The following ATP6AP2 variants were observed in gnomAD, a reference collection of about 807,000 sequenced individuals.
The protein encoded by ATP6AP2 is renin receptor.
Under a neutral mutation model 23.4 loss-of-function variants are expected in ATP6AP2, and 1 was observed. The ratio of observed to expected loss-of-function variants is 0.04; its 90% confidence interval spans 0.02 to 0.20. The LOEUF is 0.20. Among genes scored for constraint, ATP6AP2 ranks in the 10% least tolerant of loss-of-function variants. ATP6AP2 has a pLI of 1.00. For missense variants in ATP6AP2, 174 were observed against 271.3 expected (o/e 0.64, Z 2.52); for synonymous variants, 90 against 97.1 (o/e 0.93, Z 0.43).
chrX:40,598,774 G>T lies in ATP6AP2; in HGVS notation c.588+40G>T, dbSNP rs1926834592. On this transcript the variant is annotated intron_variant, in intron 6 of 8. Transcript: ENST00000636580. ...CTAATTTTTTAATTCCATTTATTTTGGTTTCTAGAGAATCCTTGAATAATA... is the reference window on the plus strand; with the variant it reads ...CTAATTTTTTAATTCCATTTATTTTTGTTTCTAGAGAATCCTTGAATAATA... 5 of 1,145,521 alleles carry T rather than the reference G, an allele frequency of 4.4e-6. No homozygotes were observed. The East Asian group carries it at 1.5e-4, about 34-fold the overall frequency. The allele number at this position is 1,145,521 out of a possible 1,213,427, so 94.4% of individuals were successfully genotyped here.
intron 1 of ATP6AP2, among the ~76,000 whole-genome samples, chrX:40,584,196 C>T (rs1377995967): frequency 9.1e-6 from 1 of 110,324 alleles, no homozygotes; most frequent in Non-Finnish European, 1.9e-5. Context: ...CCCACCTCAG[C>T]CTCCCTAGTA....
At chrX:40,599,784 C>G (rs1473712823) in intron 7 of ATP6AP2, 43 bp downstream of exon 7, 1 of 1,198,364 alleles carries the variant, frequency 8.3e-7, no homozygotes, top group Non-Finnish European at 1.1e-6. Flanking sequence ...ATGACCATTT[C>G]ACTTTTAGCC....
intron 5 of ATP6AP2, chrX:40,598,480 G>C: frequency 2.2e-6 from 1 of 453,155 alleles, no homozygotes; most frequent in East Asian, 3.8e-5. Context: ...CTGTGCTAGG[G>C]AATGGCCATC....
intron 1 of ATP6AP2, among the ~76,000 whole-genome samples, chrX:40,586,732 C>G (rs921269743): frequency 8.1e-5 from 9 of 111,696 alleles, no homozygotes; most frequent in African/African-American, 2.9e-4. Context: ...GCCAGGTATC[C>G]CTGAGACATG....
rs766788880 is a variant in ATP6AP2, at chrX:40,597,363, A to T, written c.396+19A>T. ...TGAGGAAGTAAGTGATAAGGGTTTTATTCAAGACATTTTAAAAAATAAGCT... is the reference window on the plus strand; with the variant it reads ...TGAGGAAGTAAGTGATAAGGGTTTTTTTCAAGACATTTTAAAAAATAAGCT... On this transcript the variant is annotated intron_variant, in intron 4 of 8. Transcript: ENST00000636580. 1 of 1,129,897 alleles carries T rather than the reference A, an allele frequency of 8.9e-7. No homozygotes were observed. Among genetic ancestry groups the T allele is most frequent in the Non-Finnish European group, 1.2e-6 (1 of 824,806 alleles). The allele number at this position is 1,129,897 out of a possible 1,213,427, so 93.1% of individuals were successfully genotyped here.
At chrX:40,601,337 G>A (rs1316372370) in intron 8 of ATP6AP2, among the ~76,000 whole-genome samples, 1 of 111,207 alleles carries the variant, frequency 9.0e-6, no homozygotes, top group Non-Finnish European at 1.9e-5. Context: ...CGGGAGTGGT[G>A]TGGTGCCCAC....
chrX:40,590,965 T>C, intron 2 of ATP6AP2: 1 of 310,223 alleles, frequency 3.2e-6, no homozygotes, highest in Non-Finnish European at 5.7e-6. Flanking sequence ...TTTGTTTACT[T>C]GCTTGCTTTT....
intron 7 of ATP6AP2, chrX:40,599,980 A>G: frequency 2.7e-6 from 1 of 375,770 alleles, no homozygotes; most frequent in Non-Finnish European, 4.7e-6. Flanking sequence ...TTACAAAATT[A>G]TTGTGGTAAA....
Position 40,606,663 on chromosome X carries a change from A to G in ATP6AP2, c.*908A>G, listed in dbSNP as rs1340609248. 2 of 111,993 alleles carry G rather than the reference A, an allele frequency of 1.8e-5. No individual in the cohort carries two copies. The highest frequency in any genetic ancestry group is 3.8e-5 in the Non-Finnish European group (2 of 53,129). 9.2% of individuals were successfully genotyped at this position (111,993 alleles called of 1,213,427 possible). On this transcript the variant is annotated 3_prime_UTR_variant, in exon 9 of 9. Transcript: ENST00000636580. Reference sequence around the variant, plus strand: ...TTTGTGTCATTGCAGTACTAAATCTATTTTATATTGTAAAAACCTAACAAA... The same window carrying G: ...TTTGTGTCATTGCAGTACTAAATCTGTTTTATATTGTAAAAACCTAACAAA...
In ATP6AP2 at chrX:40,588,303, G is replaced by A. The variant is rs149647616; in HGVS notation, c.38-683G>A. Among the ~76,000 whole-genome samples, 579 of 104,593 alleles carry A rather than the reference G, an allele frequency of 5.5e-3. 32 individuals carry two copies. The East Asian group carries it at 0.16, about 29-fold the overall frequency. The allele number at this position is 104,593 out of a possible 115,157, so 90.8% of individuals were successfully genotyped here. A position where few individuals can be genotyped will look rare whatever the true frequency, so the allele number is the denominator to read the frequency against. On this transcript the variant is annotated intron_variant, in intron 1 of 8. Coordinates refer to ENST00000636580, the MANE Select transcript of ATP6AP2 (RefSeq NM_005765.3). ...CTGGACTTTGTTTCTAAAGTCTGAA[G>A]TGTTTTTATGTTTCTACTTGTGACA...
chrX:40,586,943 A>G (rs1171542580), intron 1 of ATP6AP2, among the ~76,000 whole-genome samples: 2 of 112,282 alleles, frequency 1.8e-5, no homozygotes, highest in African/African-American at 6.5e-5. Flanking sequence ...AAACAAGGGT[A>G]TCTCCAAATC....
Position 40,605,812 on chromosome X carries a change from TA to T in ATP6AP2, c.*58del. ...TTGGAAATTGGCTGTTTTGTTAAAA[TA>T]TATCTTTTAGTGTGCTTTAAAGTAG... On this transcript the variant is annotated 3_prime_UTR_variant, in exon 9 of 9. Coordinates refer to ENST00000636580, the MANE Select transcript of ATP6AP2 (RefSeq NM_005765.3). 1 of 1,017,574 alleles carries T rather than the reference TA, an allele frequency of 9.8e-7. No individual in the cohort carries two copies. Among genetic ancestry groups the T allele is most frequent in the Non-Finnish European group, 1.4e-6 (1 of 722,861 alleles). 83.9% of individuals were successfully genotyped at this position (1,017,574 alleles called of 1,213,427 possible).
intron 8 of ATP6AP2, among the ~76,000 whole-genome samples, chrX:40,601,724 C>T (rs1475603248): frequency 1.8e-5 from 2 of 111,860 alleles, no homozygotes; most frequent in African/African-American, 6.5e-5. Flanking sequence ...CACTCAATTA[C>T]ATACACCTCC....
chrX:40,605,864 A>G lies in ATP6AP2; in HGVS notation c.*109A>G. On this transcript the variant is annotated 3_prime_UTR_variant, in exon 9 of 9. Transcript: ENST00000636580. ...ATAGTATACTTTACATTTATAAAAA[A>G]AAATCAAATTTTGTTCTTTATTTTG... 1 of 727,445 alleles carries G rather than the reference A, an allele frequency of 1.4e-6. No individual in the cohort carries two copies. The allele number at this position is 727,445 out of a possible 1,213,427, so 59.9% of individuals were successfully genotyped here.
chrX:40,594,653 C>T (rs1321549785), intron 3 of ATP6AP2, among the ~76,000 whole-genome samples: 1 of 111,166 alleles, frequency 9.0e-6, no homozygotes. Context: ...ATAGACAAGA[C>T]CTAAAATTGA....
At chrX:40,587,185 G>A (rs1273825058) in intron 1 of ATP6AP2, among the ~76,000 whole-genome samples, 1 of 111,488 alleles carries the variant, frequency 9.0e-6, no homozygotes, top group African/African-American at 3.3e-5. Flanking sequence ...CAGGAGAATT[G>A]CTTGAACCTG....
chrX:40,600,961 C>G (rs1926891155), intron 8 of ATP6AP2, 80 bp downstream of exon 8: 2 of 988,269 alleles, frequency 2.0e-6, no homozygotes, highest in Admixed American at 2.8e-5. Context: ...CCTATATCAC[C>G]TAAGGGTGAC....
At chrX:40,592,229 G>A (rs1462401234) in intron 3 of ATP6AP2, 2 of 112,749 alleles carry the variant, frequency 1.8e-5, no homozygotes, top group African/African-American at 6.4e-5. Context: ...TACGGAAGAT[G>A]AGTGGAATTT....
chrX:40,589,275 GTAAT>G, intron 2 of ATP6AP2, 159 bp downstream of exon 2: 1 of 623,382 alleles, frequency 1.6e-6, no homozygotes, highest in Non-Finnish European at 2.4e-6. Flanking sequence ...GCTCACGCCT[GTAAT>G]CCCGGCACTC....
Sources: allele counts gnomAD v4.1 joint callset (sites outside exome capture counted in the v4.1 genomes callset), GRCh38; gene constraint gnomAD v4.1.1; transcripts MANE v1.5; gene names NCBI Gene and HGNC (gene_info 2026-07-23, HGNC 2026-07-21).